The following PCDH15 variants were observed in gnomAD, a reference collection of about 807,000 sequenced individuals.
PCDH15 encodes the protein protocadherin related 15, also known as protocadherin-15.
In PCDH15, 129 loss-of-function variants were observed where a neutral mutation model predicts 178.5. The ratio of observed to expected loss-of-function variants is 0.72; its 90% CI spans 0.63 to 0.84. The LOEUF is 0.84. PCDH15 is among the 40% of genes least tolerant of loss of function. PCDH15 has a pLI of 0.00. For synonymous variants in PCDH15, 800 were observed against 732.0 expected, an observed-to-expected ratio of 1.09 and a Z score of -1.50; for missense variants, 2,230 against 2,099.9, an observed-to-expected ratio of 1.06 and a Z score of -1.21.
At chr10:54,442,038 A>C (rs2075820005) in intron 3 of PCDH15, among the ~76,000 whole-genome samples, 1 of 151,700 alleles carries the variant, frequency 6.6e-6, no homozygotes, top group South Asian at 2.1e-4. Flanking sequence ...TATTAAAATG[A>C]CTATTTCTCA....
intron 2 of PCDH15, among the ~76,000 whole-genome samples, chr10:54,537,908 G>A (rs2084759294): frequency 6.6e-6 from 1 of 152,084 alleles, no homozygotes; most frequent in African/African-American, 2.4e-5. Context: ...CTGCTTGTAT[G>A]TCTGTTTTTG....
At chr10:55,609,663 T>A (rs1843321751) in intron 2 of PCDH15, among the ~76,000 whole-genome samples, 1 of 152,006 alleles carries the variant, frequency 6.6e-6, no homozygotes, top group South Asian at 2.1e-4. Flanking sequence ...ATAATATATA[T>A]CAAAAATCTG....
chr10:55,246,747 A>C (rs1299576374), intron 1 of PCDH15, among the ~76,000 whole-genome samples: 1 of 152,182 alleles, frequency 6.6e-6, no homozygotes, highest in Non-Finnish European at 1.5e-5. Context: ...AGATGAACTT[A>C]GTGGAGAGGT....
At chr10:53,964,448 T>TATTCATAAAATTTTTATAAAATTG (rs1589655629) in intron 21 of PCDH15, among the ~76,000 whole-genome samples, 3 of 141,076 alleles carry the variant, frequency 2.1e-5, no homozygotes, top group Non-Finnish European at 3.2e-5. Context: ...TTATAAAATT[T>TATTCATAAAATTTTTATAAAATTG]TATTTATTCA....
chr10:55,355,258 A>T (rs1845046067), intron 2 of PCDH15, among the ~76,000 whole-genome samples: 1 of 152,040 alleles, frequency 6.6e-6, no homozygotes. Flanking sequence ...TCATTTCTCT[A>T]GATAAAGTAA....
intron 1 of PCDH15, among the ~76,000 whole-genome samples, chr10:54,760,871 G>A (rs539864881): frequency 2.6e-5 from 4 of 152,060 alleles, no homozygotes; most frequent in Non-Finnish European, 5.9e-5. Flanking sequence ...TCAAATTTAT[G>A]CATGTTAAGA....
intron 2 of PCDH15, among the ~76,000 whole-genome samples, chr10:55,076,086 G>A (rs1307482322): frequency 6.6e-6 from 1 of 151,890 alleles, no homozygotes; most frequent in Non-Finnish European, 1.5e-5. Context: ...TTATTTCATC[G>A]TTGTCTGAGA....
intron 2 of PCDH15, among the ~76,000 whole-genome samples, chr10:54,540,479 C>G (rs1277899421): frequency 3.3e-5 from 5 of 152,048 alleles, no homozygotes; most frequent in Non-Finnish European, 7.4e-5. Flanking sequence ...AAACCCTGAA[C>G]AGACCAACAT....
chr10:55,602,940 G>C (rs1251188473), intron 2 of PCDH15, among the ~76,000 whole-genome samples: 1 of 152,140 alleles, frequency 6.6e-6, no homozygotes, highest in Non-Finnish European at 1.5e-5. Context: ...AAATTACTCT[G>C]AGCTACGGGA....
chr10:54,081,779 A>ATTGATGCTACTT (rs1428837684), intron 16 of PCDH15, among the ~76,000 whole-genome samples: 197 of 152,272 alleles, frequency 1.3e-3, no homozygotes, highest in African/African-American at 4.4e-3. Context: ...ATAAAGCATC[A>ATTGATGCTACTT]ATAACACTGC....
intron 1 of PCDH15, among the ~76,000 whole-genome samples, chr10:55,288,697 ATTGCAGGATCTCC>A (rs1353593660): frequency 1.3e-5 from 2 of 151,962 alleles, no homozygotes; most frequent in African/African-American, 4.8e-5. Flanking sequence ...GTCGTTACAA[ATTGCAGGATCTCC>A]TTTTTGGTAA....
chr10:55,455,319 A>G (rs565910389), intron 2 of PCDH15, among the ~76,000 whole-genome samples: 1 of 152,194 alleles, frequency 6.6e-6, no homozygotes, highest in Non-Finnish European at 1.5e-5. Context: ...ACTACAATGT[A>G]AAACATCTCT....
intron 2 of PCDH15, among the ~76,000 whole-genome samples, chr10:55,557,744 C>T (rs550919300): frequency 1.3e-5 from 2 of 152,044 alleles, no homozygotes; most frequent in Non-Finnish European, 2.9e-5. Flanking sequence ...TCCCGAAGGA[C>T]AGAAGTCAGA....
At chr10:55,485,200 A>C (rs1212660599) in intron 2 of PCDH15, among the ~76,000 whole-genome samples, 1 of 151,838 alleles carries the variant, frequency 6.6e-6, no homozygotes, top group Admixed American at 6.6e-5. Flanking sequence ...AAATCCTAAT[A>C]ATCCTGTTGA....
intron 2 of PCDH15, among the ~76,000 whole-genome samples, chr10:55,028,399 A>T (rs927306217): frequency 6.6e-6 from 1 of 151,962 alleles, no homozygotes; most frequent in East Asian, 1.9e-4. Flanking sequence ...GACACGTCTA[A>T]AACTAAAATC....
At chr10:54,135,572 C>T (rs905719387) in intron 14 of PCDH15, among the ~76,000 whole-genome samples, 5 of 152,136 alleles carry the variant, frequency 3.3e-5, no homozygotes, top group Non-Finnish European at 5.9e-5. Flanking sequence ...CAGAAGCAGC[C>T]CCAAGATGTA....
intron 2 of PCDH15, among the ~76,000 whole-genome samples, chr10:55,115,406 A>G (rs1183656671): frequency 1.3e-5 from 2 of 152,240 alleles, no homozygotes; most frequent in Admixed American, 6.5e-5. Context: ...GAAAGCATTC[A>G]GCGTTGGAAC....
chr10:54,671,053 G>T (rs1367437879), intron 1 of PCDH15, among the ~76,000 whole-genome samples: 2 of 151,944 alleles, frequency 1.3e-5, no homozygotes, highest in African/African-American at 4.8e-5. Context: ...GAAAAGTCAT[G>T]GGAAAAAGCT....
At chr10:55,532,524 T>C (rs543323866) in intron 2 of PCDH15, among the ~76,000 whole-genome samples, 1 of 152,088 alleles carries the variant, frequency 6.6e-6, no homozygotes, top group Non-Finnish European at 1.5e-5. Flanking sequence ...CTTGTTGAAC[T>C]TAGAAACTAG....
Sources: gnomAD v4.1 joint callset for allele counts (sites outside exome capture counted in the v4.1 genomes callset) on GRCh38, gnomAD v4.1.1 for gene constraint, MANE v1.5 for transcripts, NCBI Gene and HGNC (gene_info 2026-07-23, HGNC 2026-07-21) for gene names.